NKAIN2: variants seen among roughly 807,000 people sequenced by gnomAD.
NKAIN2 encodes the protein sodium/potassium-transporting ATPase subunit beta-1-interacting protein 2.
NKAIN2 carries 14 observed loss-of-function variants against 32.6 expected under a neutral mutation model. That is an observed-to-expected ratio of 0.43 (90% confidence interval 0.28 to 0.67). The LOEUF (loss-of-function observed/expected upper bound fraction) is 0.67, where lower values mean the gene tolerates loss of function less well. NKAIN2 is among the 30% of genes least tolerant of loss of function. NKAIN2 has a pLI of 0.17. For synonymous variants in NKAIN2, 80 were observed against 87.2 expected (o/e 0.92, Z 0.46); for missense variants, 198 against 258.3 (o/e 0.77, Z 1.60).
intron 1 of NKAIN2, among the ~76,000 whole-genome samples, chr6:123,912,558 C>T (rs1454879058): frequency 6.6e-6 from 1 of 152,138 alleles, no homozygotes; most frequent in Non-Finnish European, 1.5e-5. Flanking sequence ...TGCACATTGT[C>T]TGTTGTAAAT....
intron 1 of NKAIN2, among the ~76,000 whole-genome samples, chr6:123,897,902 A>C (rs1445122236): frequency 6.6e-6 from 1 of 152,176 alleles, no homozygotes; most frequent in African/African-American, 2.4e-5. Context: ...AACAAAGAAT[A>C]AATGTATTTT....
chr6:124,736,835 T>C (rs902768126), intron 4 of NKAIN2, among the ~76,000 whole-genome samples: 7 of 151,972 alleles, frequency 4.6e-5, no homozygotes, highest in African/African-American at 1.7e-4. Flanking sequence ...ATTAATGTTG[T>C]TTTTATGCCT....
intron 3 of NKAIN2, among the ~76,000 whole-genome samples, chr6:124,625,436 G>A (rs369016466): frequency 6.6e-6 from 1 of 152,068 alleles, no homozygotes; most frequent in Non-Finnish European, 1.5e-5. Context: ...AGGACAATGC[G>A]AGAGCTTATG....
At chr6:124,454,116 G>GTT (rs1239677408) in intron 3 of NKAIN2, among the ~76,000 whole-genome samples, 1 of 138,578 alleles carries the variant, frequency 7.2e-6, no homozygotes, top group Non-Finnish European at 1.6e-5. Context: ...TGGGGGGGGG[G>GTT]GTTGCTGGTT....
At chr6:124,355,225 T>G in intron 2 of NKAIN2, 42 bp from the exon 3 acceptor site, 10 of 1,314,334 alleles carry the variant, frequency 7.6e-6, no homozygotes, top group Non-Finnish European at 1.1e-5. Context: ...CTCAACTGAT[T>G]CCAAATTAAT....
At chr6:123,898,550 T>A (rs1582739110) in intron 1 of NKAIN2, among the ~76,000 whole-genome samples, 1 of 134,474 alleles carries the variant, frequency 7.4e-6, no homozygotes, top group Non-Finnish European at 1.5e-5. Flanking sequence ...GCTCCAGGGG[T>A]GTTTTTTTTT....
chr6:124,236,315 A>G (rs766874639), intron 1 of NKAIN2, among the ~76,000 whole-genome samples: 8 of 152,138 alleles, frequency 5.3e-5, no homozygotes. Context: ...GAATGCAATG[A>G]CAATGGAACA....
intron 1 of NKAIN2, among the ~76,000 whole-genome samples, chr6:124,148,241 A>G (rs1463649419): frequency 6.6e-6 from 1 of 152,144 alleles, no homozygotes; most frequent in Admixed American, 6.5e-5. Context: ...ATTTTAAATA[A>G]TAGCTTTATT....
intron 1 of NKAIN2, among the ~76,000 whole-genome samples, chr6:123,921,755 C>A (rs1413719161): frequency 6.6e-6 from 1 of 152,056 alleles, no homozygotes; most frequent in Non-Finnish European, 1.5e-5. Context: ...ATGAGAAACT[C>A]AAAAACTGGT....
At chr6:124,425,420 C>A (rs879926539) in intron 3 of NKAIN2, among the ~76,000 whole-genome samples, 27 of 151,804 alleles carry the variant, frequency 1.8e-4, no homozygotes, top group Non-Finnish European at 1.0e-4. Flanking sequence ...AGTGACCAAA[C>A]AAAAGCAACA....
At chr6:123,855,485 TGATGAGTGTAAAGA>T (rs1455842539) in intron 1 of NKAIN2, among the ~76,000 whole-genome samples, 1 of 151,702 alleles carries the variant, frequency 6.6e-6, no homozygotes, top group Non-Finnish European at 1.5e-5. Context: ...GACCCAGAAG[TGATGAGTGTAAAGA>T]GATATTATCT....
chr6:124,242,904 G>C (rs1451341660), intron 1 of NKAIN2, among the ~76,000 whole-genome samples: 1 of 151,934 alleles, frequency 6.6e-6, no homozygotes, highest in East Asian at 1.9e-4. Flanking sequence ...GGGGGGCTAG[G>C]GGAGGGATAG....
Position 124,671,632 on chromosome 6 carries a change from G to T in NKAIN2, c.474+13246G>T, listed in dbSNP as rs571223125. On this transcript the variant is annotated intron_variant, in intron 4 of 6. Coordinates refer to ENST00000368417, the MANE Select transcript of NKAIN2 (RefSeq NM_001040214.3). ...TTATTCTGATCAACAATCTGTTTTT[G>T]CCTTAATCCATTTCTTTCCAGGCAT... 2.5e-4 allele frequency among the ~76,000 whole-genome samples: 38 copies of T among 152,044 alleles called. No individual in the cohort carries two copies. In the South Asian group the frequency reaches 6.6e-3, roughly 27 times the overall value.
At chr6:123,869,743 A>C (rs6924068) in intron 1 of NKAIN2, among the ~76,000 whole-genome samples, 1 of 152,052 alleles carries the variant, frequency 6.6e-6, no homozygotes, top group Non-Finnish European at 1.5e-5. Context: ...TTCTCTGTCC[A>C]TGATACCCAC....
chr6:124,512,577 C>G (rs1202810022), intron 3 of NKAIN2, among the ~76,000 whole-genome samples: 1 of 152,096 alleles, frequency 6.6e-6, no homozygotes, highest in African/African-American at 2.4e-5. Flanking sequence ...GAGCATCCTC[C>G]CACCGACTAA....
At chr6:123,940,993 C>A (rs1007064421) in intron 1 of NKAIN2, among the ~76,000 whole-genome samples, 31 of 151,524 alleles carry the variant, frequency 2.0e-4, no homozygotes, top group African/African-American at 7.3e-4. Flanking sequence ...TTTTTTATTT[C>A]TTTATGTCCT....
At position 123,900,766 on chromosome 6, in the gene NKAIN2, A is replaced by C. The variant is rs571417972; in HGVS notation, c.54+96512A>C. On this transcript the variant is annotated intron_variant, in intron 1 of 6. Coordinates refer to ENST00000368417, the MANE Select transcript of NKAIN2 (RefSeq NM_001040214.3). ...AATCATATTTTTATGTCAGAAGCTGACCATTTCTTCAGCTTTTCTCTTTGC... is the reference window on the plus strand; with the variant it reads ...AATCATATTTTTATGTCAGAAGCTGCCCATTTCTTCAGCTTTTCTCTTTGC... Among the ~76,000 whole-genome samples the C allele has an allele frequency of 6.6e-5, 10 of 152,080 alleles. 1 individual carries two copies. In the South Asian group the frequency reaches 2.1e-3, roughly 32 times the overall value.
chr6:124,794,646 G>T (rs1164530952), intron 5 of NKAIN2, among the ~76,000 whole-genome samples: 1 of 152,160 alleles, frequency 6.6e-6, no homozygotes, highest in South Asian at 2.1e-4. Flanking sequence ...GCTTGCCTCA[G>T]ATGTTCATGG....
intron 4 of NKAIN2, among the ~76,000 whole-genome samples, chr6:124,713,040 T>G (rs1583701976): frequency 6.6e-6 from 1 of 152,234 alleles, no homozygotes; most frequent in East Asian, 1.9e-4. Context: ...GCATAACTAA[T>G]ATGTTGAATG....
Sources: gnomAD v4.1 joint callset for allele counts (sites outside exome capture counted in the v4.1 genomes callset) on GRCh38, gnomAD v4.1.1 for gene constraint, MANE v1.5 for transcripts, NCBI Gene and HGNC (gene_info 2026-07-23, HGNC 2026-07-21) for gene names.